The following MRTFB variants were observed in gnomAD, a reference collection of about 807,000 sequenced individuals.
MRTFB encodes the protein myocardin-related transcription factor B.
Under a neutral mutation model 104.2 loss-of-function variants are expected in MRTFB, and 29 were observed. The observed-to-expected ratio is 0.28, with a 90% confidence interval of 0.21 to 0.38. The LOEUF is 0.38. MRTFB is among the 10% of genes least tolerant of loss of function. The probability of loss-of-function intolerance (pLI) is 1.00; values close to 1 mark genes in which losing one functional copy is unlikely to be tolerated. For missense variants in MRTFB, 1,270 were observed against 1,341.6 expected (o/e 0.95, Z 0.83); for synonymous variants, 535 against 519.5 (o/e 1.03, Z -0.41).
In MRTFB at chr16:14,140,678, G is replaced by A. The variant is rs1267369792; in HGVS notation, c.72G>A (p.Gln24=). The stretch of plus-strand genomic sequence containing the variant: ...TAGCCCATCTTGCTCCAAGTCCTCA[G>A]AGTGAAGCTGTGGCTCATGAATTCC... ...GPLAHLAPSP[Q]SEAVAHEFQE... is the part of the protein sequence containing the mutation. Residue 24 remains glutamine (Q), a synonymous_variant, in exon 3 of 17, where the codon CAG becomes CAA. Coordinates refer to ENST00000571589, the MANE Select transcript of MRTFB (RefSeq NM_001308142.2). The A allele has an allele frequency of 1.2e-6, 2 of 1,614,204 alleles. No individual in the cohort carries two copies. Among genetic ancestry groups the A allele is most frequent in the Non-Finnish European group, 1.7e-6 (2 of 1,180,034 alleles).
intron 11 of MRTFB, 57 bp from the exon 12 acceptor site, chr16:14,246,416 C>A (rs747607365): frequency 1.2e-5 from 18 of 1,558,626 alleles, no homozygotes; most frequent in Admixed American, 5.2e-5. Context: ...CAAAAGCGTA[C>A]TGTAGATTTG....
chr16:14,143,108 G>A (rs1266025395), intron 3 of MRTFB: 7 of 150,270 alleles, frequency 4.7e-5, no homozygotes, highest in African/African-American at 1.5e-4. Context: ...CTGTCTCTTT[G>A]GTTTGAGTTA....
At chr16:14,127,333 C>G (rs926802860) in intron 2 of MRTFB, among the ~76,000 whole-genome samples, 4 of 152,086 alleles carry the variant, frequency 2.6e-5, no homozygotes, top group African/African-American at 4.8e-5. Context: ...GCTTTTTAAG[C>G]ATAAACAACA....
At chr16:14,016,722 G>A in the MRTFB span, among the ~76,000 whole-genome samples, 46,966 of 139,248 alleles carry the variant, frequency 0.34, 9,224 homozygotes, top group Admixed American at 0.51. Flanking sequence ...GCGGCGAGCC[G>A]AGATCACACC....
At chr16:13,997,145 G>A in the MRTFB span, among the ~76,000 whole-genome samples, 3 of 152,226 alleles carry the variant, frequency 2.0e-5, no homozygotes, top group Non-Finnish European at 4.4e-5. Flanking sequence ...CACACTCAGA[G>A]ACCAGGATAG....
chr16:14,155,784 G>T (rs992724938), intron 3 of MRTFB, among the ~76,000 whole-genome samples: 1 of 152,180 alleles, frequency 6.6e-6, no homozygotes, highest in African/African-American at 2.4e-5. Flanking sequence ...ACTCTGGGAA[G>T]TATTTAGCTT....
chr16:14,190,325 C>T (rs2040123048), intron 3 of MRTFB, among the ~76,000 whole-genome samples: 1 of 152,218 alleles, frequency 6.6e-6, no homozygotes, highest in Admixed American at 6.5e-5. Flanking sequence ...TCTCTGATTA[C>T]ACTCAACATA....
chr16:14,096,795 A>T (rs1302336981), intron 2 of MRTFB, among the ~76,000 whole-genome samples: 3 of 152,212 alleles, frequency 2.0e-5, no homozygotes, highest in African/African-American at 7.2e-5. Flanking sequence ...TATGTTTTTT[A>T]AAAAATCATT....
chr16:13,996,776 C>G, the MRTFB span, among the ~76,000 whole-genome samples: 1 of 152,208 alleles, frequency 6.6e-6, no homozygotes, highest in African/African-American at 2.4e-5. Flanking sequence ...ACTAGGCATA[C>G]TTGAGATGCC....
intron 3 of MRTFB, among the ~76,000 whole-genome samples, chr16:14,164,100 T>A (rs551229966): frequency 2.0e-5 from 3 of 152,200 alleles, no homozygotes; most frequent in Non-Finnish European, 4.4e-5. Context: ...ATATAATACA[T>A]TGTTGTTAAC....
At chr16:14,225,511 A>T (rs2041962267) in intron 8 of MRTFB, among the ~76,000 whole-genome samples, 1 of 152,224 alleles carries the variant, frequency 6.6e-6, no homozygotes, top group African/African-American at 2.4e-5. Flanking sequence ...GAACAGGCAT[A>T]TGCAAACCTA....
intron 3 of MRTFB, among the ~76,000 whole-genome samples, chr16:14,193,077 C>T (rs1014476728): frequency 1.3e-5 from 2 of 151,858 alleles, no homozygotes; most frequent in East Asian, 1.9e-4. Context: ...GCAGAAAGAG[C>T]GCAGCCTTGC....
At chr16:14,068,762 T>C, upstream of MRTFB, among the ~76,000 whole-genome samples, 1 of 152,140 alleles carries the variant, frequency 6.6e-6, no homozygotes, top group Non-Finnish European at 1.5e-5. Context: ...GGTAGAGCAT[T>C]ACTTCTGGGT....
chr16:14,195,860 T>G (rs1003558168), intron 3 of MRTFB, among the ~76,000 whole-genome samples: 9 of 152,192 alleles, frequency 5.9e-5, no homozygotes, highest in Non-Finnish European at 1.2e-4. Flanking sequence ...TTGGGAACTG[T>G]ATAGATAAGG....
intron 2 of MRTFB, among the ~76,000 whole-genome samples, chr16:14,093,412 G>A (rs925251775): frequency 6.6e-6 from 1 of 151,964 alleles, no homozygotes; most frequent in Non-Finnish European, 1.5e-5. Context: ...CAGTACAGAT[G>A]TGAGCCATTT....
At chr16:13,998,669 T>A in the MRTFB span, among the ~76,000 whole-genome samples, 5 of 138,806 alleles carry the variant, frequency 3.6e-5, no homozygotes, top group South Asian at 2.3e-4. Context: ...AAAGAGAAGG[T>A]GAAGGAGGAA....
the MRTFB span, among the ~76,000 whole-genome samples, chr16:14,031,656 T>C: frequency 0.2 from 31,029 of 152,098 alleles, 3,373 homozygotes; most frequent in South Asian, 0.31. Context: ...ACTAAAACCC[T>C]TGTGCTTTCC....
the MRTFB span, among the ~76,000 whole-genome samples, chr16:14,060,525 T>C: frequency 1.3e-5 from 2 of 152,106 alleles, no homozygotes; most frequent in Admixed American, 6.5e-5. Context: ...GCACCAGTCT[T>C]CTCCAATCTA....
chr16:14,099,310 T>C (rs28813467), intron 2 of MRTFB, among the ~76,000 whole-genome samples: 35,782 of 151,758 alleles, frequency 0.24, 7,909 homozygotes, highest in African/African-American at 0.57. Flanking sequence ...CTAAATATTT[T>C]GTATTTTTTG....
Sources: gnomAD v4.1 joint callset for allele counts (sites outside exome capture counted in the v4.1 genomes callset) on GRCh38, gnomAD v4.1.1 for gene constraint, MANE v1.5 for transcripts, NCBI Gene and HGNC (gene_info 2026-07-23, HGNC 2026-07-21) for gene names.